RALYL: variants seen among roughly 807,000 people sequenced by gnomAD.
RALYL encodes the protein RNA-binding Raly-like protein.
A neutral mutation model predicts 35.1 loss-of-function variants in RALYL; 29 were observed. That is an observed-to-expected ratio of 0.83 (90% CI 0.61 to 1.13). The LOEUF is 1.13. RALYL is among the 50% of genes most tolerant of loss of function. The probability of loss-of-function intolerance (pLI) is 0.00; values close to 1 mark genes in which losing one functional copy is unlikely to be tolerated. For synonymous variants in RALYL, 120 were observed against 127.6 expected (o/e 0.94, Z 0.40); for missense variants, 359 against 360.4 (o/e 1.00, Z 0.03).
At chr8:84,894,829 T>C (rs935176310) in intron 8 of RALYL, among the ~76,000 whole-genome samples, 3 of 152,218 alleles carry the variant, frequency 2.0e-5, no homozygotes, top group Non-Finnish European at 2.9e-5. Flanking sequence ...GTTAACGAAC[T>C]CTGCCATTAA....
intron 4 of RALYL, among the ~76,000 whole-genome samples, chr8:84,841,534 C>G (rs1044421070): frequency 6.6e-6 from 1 of 152,158 alleles, no homozygotes; most frequent in African/African-American, 2.4e-5. Context: ...CTTTAACACA[C>G]CACTGTCAAC....
At chr8:84,799,416 A>G (rs1158034311) in intron 3 of RALYL, among the ~76,000 whole-genome samples, 4 of 152,256 alleles carry the variant, frequency 2.6e-5, no homozygotes, top group Non-Finnish European at 5.9e-5. Flanking sequence ...GCAACACCAA[A>G]GAAATACTGA....
At chr8:84,672,643 G>C (rs1450669535) in intron 2 of RALYL, among the ~76,000 whole-genome samples, 1 of 152,166 alleles carries the variant, frequency 6.6e-6, no homozygotes, top group Non-Finnish European at 1.5e-5. Flanking sequence ...CATGGCAGAA[G>C]GCAAAGGAGG....
intron 1 of RALYL, among the ~76,000 whole-genome samples, chr8:84,194,572 C>T (rs1300761837): frequency 6.6e-6 from 1 of 152,102 alleles, no homozygotes; most frequent in African/African-American, 2.4e-5. Flanking sequence ...TTAAGTATAA[C>T]AGTGAATGAT....
chr8:84,492,091 C>A (rs2055378404), intron 1 of RALYL, among the ~76,000 whole-genome samples: 1 of 151,882 alleles, frequency 6.6e-6, no homozygotes, highest in African/African-American at 2.4e-5. Flanking sequence ...TTTTTTCAGT[C>A]TTCTAATGTT....
intron 2 of RALYL, among the ~76,000 whole-genome samples, chr8:84,623,107 T>C (rs1237060957): frequency 6.6e-6 from 1 of 152,216 alleles, no homozygotes; most frequent in African/African-American, 2.4e-5. Flanking sequence ...TGTCCCTGAA[T>C]GTGACAGTAA....
intron 1 of RALYL, among the ~76,000 whole-genome samples, chr8:84,402,399 A>G (rs949596493): frequency 6.6e-6 from 1 of 152,138 alleles, no homozygotes; most frequent in African/African-American, 2.4e-5. Context: ...TCCATAACTT[A>G]GATTTTAATA....
At chr8:84,759,027 G>C (rs1812078175) in intron 2 of RALYL, among the ~76,000 whole-genome samples, 2 of 152,252 alleles carry the variant, frequency 1.3e-5, no homozygotes, top group East Asian at 1.9e-4. Flanking sequence ...GCAGCCTCCT[G>C]TATTCCTTTC....
intron 1 of RALYL, among the ~76,000 whole-genome samples, chr8:84,278,146 A>C (rs901743620): frequency 6.6e-6 from 1 of 152,226 alleles, no homozygotes; most frequent in African/African-American, 2.4e-5. Context: ...ACATCCTCTG[A>C]AATCTAGGCA....
At chr8:84,680,641 TG>T (rs1835255492) in intron 2 of RALYL, among the ~76,000 whole-genome samples, 1 of 152,246 alleles carries the variant, frequency 6.6e-6, no homozygotes, top group South Asian at 2.1e-4. Context: ...GCTGCATAAA[TG>T]TCTTCTTTTG....
intron 1 of RALYL, among the ~76,000 whole-genome samples, chr8:84,450,579 A>G (rs1009951244): frequency 5.9e-5 from 9 of 152,034 alleles, no homozygotes; most frequent in Non-Finnish European, 1.2e-4. Context: ...TTGCAGCACC[A>G]TTTTCACAAT....
At chr8:84,711,334 G>T (rs1842150478) in intron 2 of RALYL, among the ~76,000 whole-genome samples, 1 of 152,092 alleles carries the variant, frequency 6.6e-6, no homozygotes, top group Admixed American at 6.6e-5. Context: ...ATTTCTAAGT[G>T]ACTTGTGCAA....
intron 2 of RALYL, among the ~76,000 whole-genome samples, chr8:84,588,806 C>T (rs752305346): frequency 3.9e-5 from 6 of 152,050 alleles, no homozygotes; most frequent in East Asian, 1.9e-4. Flanking sequence ...AATGTAAATG[C>T]GAATATTAAA....
intron 1 of RALYL, among the ~76,000 whole-genome samples, chr8:84,517,767 A>T (rs2058170326): frequency 1.3e-5 from 2 of 152,224 alleles, no homozygotes; most frequent in South Asian, 4.1e-4. Context: ...TAACTTATCC[A>T]TGTATTCTGA....
At chr8:84,907,310 T>TCACACACACA (rs71273918) in intron 8 of RALYL, among the ~76,000 whole-genome samples, 1 of 148,042 alleles carries the variant, frequency 6.8e-6, no homozygotes, top group Non-Finnish European at 1.5e-5. Context: ...AGATATAGCG[T>TCACACACACA]CACACACACA....
chr8:84,774,521 C>G, intron 2 of RALYL, 58 bp from the exon 3 acceptor site: 1 of 1,112,670 alleles, frequency 9.0e-7, no homozygotes. Context: ...TCATGATTTA[C>G]TTTTCTCAGA....
chr8:84,574,639 G>A (rs1452161230), intron 2 of RALYL, among the ~76,000 whole-genome samples: 2 of 152,004 alleles, frequency 1.3e-5, no homozygotes, highest in Non-Finnish European at 2.9e-5. Context: ...TACCTCACAT[G>A]TTTCTTGTCT....
At chr8:84,876,845 T>TAA (rs1443910298) in intron 7 of RALYL, among the ~76,000 whole-genome samples, 1 of 152,148 alleles carries the variant, frequency 6.6e-6, no homozygotes, top group East Asian at 1.9e-4. Context: ...ATGTTTGGTA[T>TAA]AAGAGATGAA....
chr8:84,322,950 G>A (rs909038211), intron 1 of RALYL, among the ~76,000 whole-genome samples: 2 of 152,048 alleles, frequency 1.3e-5, no homozygotes. Flanking sequence ...TTTGCAAATA[G>A]AAGTCACAAG....
Sources: allele counts gnomAD v4.1 joint callset (sites outside exome capture counted in the v4.1 genomes callset), GRCh38; gene constraint gnomAD v4.1.1; transcripts MANE v1.5; gene names NCBI Gene and HGNC (gene_info 2026-07-23, HGNC 2026-07-21).